Variants in VAV3 observed in about 807,000 individuals in gnomAD.
The protein encoded by VAV3 is vav guanine nucleotide exchange factor 3, also known as guanine nucleotide exchange factor VAV3.
Under a neutral mutation model 131.2 loss-of-function variants are expected in VAV3, and 94 were observed. The observed-to-expected ratio is 0.72, with a 90% CI of 0.61 to 0.85. The LOEUF (loss-of-function observed/expected upper bound fraction) is 0.85, where lower values mean the gene tolerates loss of function less well. VAV3 is among the 40% of genes least tolerant of loss of function. The pLI is 0.00. For synonymous variants in VAV3, 349 were observed against 342.0 expected (o/e 1.02, Z -0.22); for missense variants, 939 against 1,002.7 (o/e 0.94, Z 0.86).
At chr1:107,695,990 G>A (rs1659718133) in intron 17 of VAV3, among the ~76,000 whole-genome samples, 1 of 152,104 alleles carries the variant, frequency 6.6e-6, no homozygotes, top group Non-Finnish European at 1.5e-5. Context: ...GTTGAATAAA[G>A]ATAGCATGCT....
chr1:107,891,149 T>TA (rs11441971), intron 1 of VAV3, among the ~76,000 whole-genome samples: 111,741 of 147,326 alleles, frequency 0.76, 42,256 homozygotes, highest in African/African-American at 0.82. Context: ...TCCCTTTCTT[T>TA]AAAAAAAAAA....
In VAV3 at chr1:107,628,073, C is replaced by T. The variant is rs118139365; in HGVS notation, c.1915-10441G>A. On this transcript the variant is annotated intron_variant, in intron 20 of 26. Transcript: ENST00000370056. ...AGAAGCCTTTTTGGTTCTGAGAAGA[C>T]GTCAGAAAAGGCAACCCAGTATTGT... Among the ~76,000 whole-genome samples the T allele has an allele frequency of 2.7e-4, 41 of 149,490 alleles. No individual in the cohort carries two copies. The East Asian group carries it at 7.6e-3, about 28-fold the overall frequency.
At chr1:107,638,617 T>C (rs1655108757) in intron 20 of VAV3, among the ~76,000 whole-genome samples, 1 of 152,184 alleles carries the variant, frequency 6.6e-6, no homozygotes, top group South Asian at 2.1e-4. Flanking sequence ...TGATCTACAA[T>C]TCAATGAGAT....
At chr1:107,920,225 G>C (rs1015211518) in intron 1 of VAV3, among the ~76,000 whole-genome samples, 14 of 152,142 alleles carry the variant, frequency 9.2e-5, no homozygotes, top group Non-Finnish European at 1.6e-4. Context: ...GATAAAACGG[G>C]AACAGTACTG....
chr1:107,875,579 A>G (rs1164399482), intron 1 of VAV3, among the ~76,000 whole-genome samples: 2 of 152,136 alleles, frequency 1.3e-5, no homozygotes, highest in Non-Finnish European at 2.9e-5. Context: ...AGGCAGAGTG[A>G]GTAATGGGGG....
In VAV3 at chr1:107,883,257, A is replaced by G. The variant is rs577799611; in HGVS notation, c.205-8240T>C. Among the ~76,000 whole-genome samples, 4 of 152,326 alleles carry G rather than the reference A, an allele frequency of 2.6e-5. No homozygotes were observed. In the South Asian group the frequency reaches 8.3e-4, roughly 32 times the overall value. ...AACACATGCACCCTCTTTGCTCTGC[A>G]GCACCCGGCTCACATCTGTTATGGT... On this transcript the variant is annotated intron_variant, in intron 1 of 26. Coordinates refer to ENST00000370056, the MANE Select transcript of VAV3 (RefSeq NM_006113.5).
At chr1:107,963,353 A>G (rs1675232842) in intron 1 of VAV3, 1 of 152,128 alleles carries the variant, frequency 6.6e-6, no homozygotes, top group Non-Finnish European at 1.5e-5. Flanking sequence ...AGTTGAGACA[A>G]CTCTGAAGGG....
chr1:107,749,728 A>T (rs536350075), intron 13 of VAV3, 134 bp from the exon 14 acceptor site: 1 of 984,976 alleles, frequency 1.0e-6, no homozygotes, highest in African/African-American at 1.7e-5. Flanking sequence ...ACTGAAAACA[A>T]CGGGGTATTT....
chr1:107,676,637 T>C (rs1006450775), intron 19 of VAV3, among the ~76,000 whole-genome samples: 1 of 152,220 alleles, frequency 6.6e-6, no homozygotes, highest in African/African-American at 2.4e-5. Context: ...AAATGGATTT[T>C]TGTCACTTGG....
In VAV3 at chr1:107,574,036, G is replaced by A. The variant is rs373690145; in HGVS notation, c.2502+11C>T. On this transcript the variant is annotated intron_variant, in intron 26 of 26. Coordinates refer to ENST00000370056, the MANE Select transcript of VAV3 (RefSeq NM_006113.5). ...TTCACATGCACCAGCACATCGAGAG[G>A]GCCAACTTACCCTGCCATTTACTTC... The A allele has an allele frequency of 1.8e-4, 286 of 1,613,244 alleles. No individual in the cohort carries two copies. In the African/African-American group the frequency reaches 3.2e-3, roughly 18 times the overall value.
chr1:107,602,616 C>T, intron 23 of VAV3, 132 bp from the exon 24 acceptor site: 2 of 624,186 alleles, frequency 3.2e-6, no homozygotes, highest in South Asian at 4.6e-5. Context: ...TATGCCAATA[C>T]ACTGGTGACA....
At chr1:107,648,047 C>T (rs1277091386) in intron 19 of VAV3, among the ~76,000 whole-genome samples, 1 of 151,968 alleles carries the variant, frequency 6.6e-6, no homozygotes, top group East Asian at 1.9e-4. Context: ...TTCCATGCTA[C>T]AACAGAAGCA....
At chr1:107,900,062 T>C (rs530443322) in intron 1 of VAV3, among the ~76,000 whole-genome samples, 90 of 152,312 alleles carry the variant, frequency 5.9e-4, no homozygotes, top group Admixed American at 2.6e-4. Context: ...TATCTCTTCT[T>C]CTTCACTTTT....
intron 25 of VAV3, among the ~76,000 whole-genome samples, chr1:107,575,946 G>A (rs754912387): frequency 3.9e-5 from 6 of 152,072 alleles, no homozygotes; most frequent in Non-Finnish European, 8.8e-5. Context: ...ATTCATGGGC[G>A]CCAGTCATCT....
chr1:107,624,612 T>C (rs1380739206), intron 20 of VAV3, among the ~76,000 whole-genome samples: 1 of 152,184 alleles, frequency 6.6e-6, no homozygotes, highest in Non-Finnish European at 1.5e-5. Flanking sequence ...AATTTGCTTT[T>C]CTAATACTGG....
intron 15 of VAV3, 112 bp downstream of exon 15, chr1:107,748,856 C>T (rs965459877): frequency 6.0e-6 from 5 of 831,044 alleles, no homozygotes; most frequent in African/African-American, 5.3e-5. Context: ...ATTCCCGTCG[C>T]TGTACACATT....
intron 1 of VAV3, among the ~76,000 whole-genome samples, chr1:107,952,480 A>ATATATATATATATATATATATATATATT (rs1485835877): frequency 7.1e-6 from 1 of 140,980 alleles, no homozygotes; most frequent in Non-Finnish European, 1.5e-5. Flanking sequence ...ATATATATAT[A>ATATATATATATATATATATATATATATT]TATATACACA....
At chr1:107,917,899 G>T (rs1406150310) in intron 1 of VAV3, among the ~76,000 whole-genome samples, 1 of 152,096 alleles carries the variant, frequency 6.6e-6, no homozygotes, top group Non-Finnish European at 1.5e-5. Flanking sequence ...AGATTTTGGA[G>T]TATTTTCAGA....
chr1:107,603,644 G>A (rs981558135), intron 22 of VAV3, among the ~76,000 whole-genome samples: 6 of 151,728 alleles, frequency 4.0e-5, no homozygotes, highest in South Asian at 4.2e-4. Flanking sequence ...TAATTCATTC[G>A]TCCACAATTT....
Sources: gnomAD v4.1 joint callset for allele counts (sites outside exome capture counted in the v4.1 genomes callset) on GRCh38, gnomAD v4.1.1 for gene constraint, MANE v1.5 for transcripts, NCBI Gene and HGNC (gene_info 2026-07-23, HGNC 2026-07-21) for gene names.